Variants in LPIN2 observed in about 807,000 individuals in gnomAD.
LPIN2 encodes phosphatidate phosphatase LPIN2.
Under a neutral mutation model 111.4 loss-of-function variants are expected in LPIN2, and 55 were observed. That is an observed-to-expected ratio of 0.49 (90% confidence interval 0.40 to 0.62). The LOEUF (loss-of-function observed/expected upper bound fraction) is 0.62. Ranked by LOEUF, LPIN2 falls within the 20% of genes least tolerant of loss-of-function variation. The probability of loss-of-function intolerance (pLI) is 0.00; values close to 1 mark genes in which losing one functional copy is unlikely to be tolerated. For synonymous variants in LPIN2, 425 were observed against 414.0 expected (o/e 1.03, Z -0.32); for missense variants, 992 against 1,112.1 (o/e 0.89, Z 1.54).
chr18:2,980,886 T>C (rs191776348), intron 1 of LPIN2, among the ~76,000 whole-genome samples: 1 of 152,382 alleles, frequency 6.6e-6, no homozygotes, highest in East Asian at 1.9e-4. Flanking sequence ...TCCTGTAGTA[T>C]ATTCTGCCCT....
chr18:2,951,674 G>C (rs1049280247), intron 3 of LPIN2, among the ~76,000 whole-genome samples: 2 of 152,136 alleles, frequency 1.3e-5, no homozygotes, highest in African/African-American at 4.8e-5. Context: ...ACAAAGCAAA[G>C]ATCAAAGCAG....
At chr18:2,982,943 T>C (rs538995603) in intron 1 of LPIN2, 169 of 349,376 alleles carry the variant, frequency 4.8e-4, no homozygotes, top group South Asian at 3.5e-3. Context: ...AGTTTACCAA[T>C]GAGATTTGCT....
intron 1 of LPIN2, among the ~76,000 whole-genome samples, chr18:2,998,336 A>G (rs1357477857): frequency 6.6e-6 from 1 of 152,230 alleles, no homozygotes. Flanking sequence ...TACTTCAACA[A>G]GAGAGAAGGA....
At chr18:2,929,466 AG>A (rs929791935) in intron 9 of LPIN2, among the ~76,000 whole-genome samples, 1 of 152,126 alleles carries the variant, frequency 6.6e-6, no homozygotes, top group Non-Finnish European at 1.5e-5. Flanking sequence ...AGACAGACAC[AG>A]AAAGACAGAC....
At chr18:2,976,741 C>T (rs1451459521) in intron 1 of LPIN2, among the ~76,000 whole-genome samples, 1 of 152,110 alleles carries the variant, frequency 6.6e-6, no homozygotes, top group East Asian at 1.9e-4. Context: ...CTAGGAGTGA[C>T]ATAAAAATTC....
At chr18:3,005,453 G>A (rs2078499434) in intron 1 of LPIN2, among the ~76,000 whole-genome samples, 1 of 151,978 alleles carries the variant, frequency 6.6e-6, no homozygotes. Context: ...TGAGGTGGGA[G>A]GATCGCTTGA....
At chr18:2,977,449 T>G (rs893461387) in intron 1 of LPIN2, among the ~76,000 whole-genome samples, 2 of 152,200 alleles carry the variant, frequency 1.3e-5, no homozygotes, top group African/African-American at 4.8e-5. Context: ...ACAATGTGCA[T>G]ATCTATGGCT....
chr18:2,997,174 G>A (rs1453889162), intron 1 of LPIN2, among the ~76,000 whole-genome samples: 1 of 152,098 alleles, frequency 6.6e-6, no homozygotes, highest in East Asian at 1.9e-4. Context: ...TAGAAACGGG[G>A]TTTTGCCATG....
rs1362646053 is a variant in LPIN2 at position 2,919,185 on chromosome 18, C to G, written c.*1108G>C. ...AGGCACCCGTGTCCCCATGGGGTCT[C>G]ACAGGGCTAGGCTGGGGACACTGCT... On this transcript the variant is annotated 3_prime_UTR_variant, in exon 20 of 20. Transcript: ENST00000677752. The G allele has an allele frequency of 1.3e-5, 2 of 152,196 alleles. No homozygotes were observed. The highest frequency in any genetic ancestry group is 6.5e-5 in the Admixed American group (1 of 15,286). The allele number at this position is 152,196 out of a possible 1,614,324, so 9.4% of individuals were successfully genotyped here.
intron 1 of LPIN2, among the ~76,000 whole-genome samples, chr18:2,997,843 C>T (rs1323266331): frequency 6.6e-6 from 1 of 152,240 alleles, no homozygotes; most frequent in Non-Finnish European, 1.5e-5. Context: ...CTCAAGGATG[C>T]AGTCCCCCAG....
In LPIN2 at chr18:2,947,776, C is replaced by T. The variant is rs142657425; in HGVS notation, c.590+3279G>A. Among the ~76,000 whole-genome samples, 1,096 of 152,312 alleles carry T rather than the reference C, an allele frequency of 7.2e-3. 17 individuals carry two copies. The highest frequency in any genetic ancestry group is 0.025 in the African/African-American group (1,019 of 41,552). On this transcript the variant is annotated intron_variant, in intron 4 of 19. Transcript: ENST00000677752. ...GAAAGCTGCAAATTCCGCAACGCCA[C>T]GTAATTCCTAGTCCTCACAACTGCA...
rs2144103274 is a variant in LPIN2 at position 2,919,215 on chromosome 18, G to GA, written c.*1077_*1078insT. The GA allele has an allele frequency of 6.6e-6, 1 of 152,354 alleles. No homozygotes were observed. The highest frequency in any genetic ancestry group is 2.1e-4 in the South Asian group (1 of 4,820). 9.4% of individuals were successfully genotyped at this position (152,354 alleles called of 1,614,324 possible). On this transcript the variant is annotated 3_prime_UTR_variant, in exon 20 of 20. Coordinates refer to ENST00000677752, the MANE Select transcript of LPIN2 (RefSeq NM_001375808.2). ...GGCTAGGCTGGGGACACTGCTCGGG[G>GA]GGCAGTCTGCTCCATAGGAGCTCCA... is the stretch of plus-strand genomic sequence containing the variant.
chr18:2,965,761 T>C (rs1056184695), intron 1 of LPIN2, among the ~76,000 whole-genome samples: 2 of 131,976 alleles, frequency 1.5e-5, no homozygotes, highest in Middle Eastern at 4.2e-3. Context: ...CATCAGTAAA[T>C]AGGTTCAAAT....
chr18:2,920,372 G>A lies in LPIN2; in HGVS notation c.2612C>T (p.Ala871Val), dbSNP rs1210159824. The A allele has an allele frequency of 6.2e-7, 1 of 1,613,974 alleles. No individual in the cohort carries two copies. The highest frequency in any genetic ancestry group is 8.5e-7 in the Non-Finnish European group (1 of 1,180,036). The stretch of plus-strand genomic sequence containing the variant: ...GGAGCTGAACTCCGGGCAGGGAAAA[G>A]CGGAATTCTGCTCCTTACTGAGAAG... ...FPLLSKEQNS[A>V]FPCPEFSSFC... is the part of the protein sequence containing the mutation. Residue 871 changes from alanine to valine, a missense_variant, in exon 20 of 20, where the codon GCT becomes GTT. Ala to Val is a moderately conservative substitution (Grantham distance 64). Transcript: ENST00000677752.
intron 1 of LPIN2, among the ~76,000 whole-genome samples, chr18:2,982,038 G>A (rs914329176): frequency 6.6e-6 from 1 of 152,106 alleles, no homozygotes; most frequent in Non-Finnish European, 1.5e-5. Flanking sequence ...CTTTAATGCA[G>A]ATTTCTGGGA....
At chr18:2,982,595 C>A in intron 1 of LPIN2, 1 of 551,178 alleles carries the variant, frequency 1.8e-6, no homozygotes. Flanking sequence ...TGGATGCCAT[C>A]CCCTTGTCTC....
chr18:2,917,032 T>C lies in LPIN2; in HGVS notation c.*3261A>G. 6.6e-6 allele frequency: 1 copy of C among 152,270 alleles called. No individual in the cohort carries two copies. The highest frequency in any genetic ancestry group is 1.9e-4 in the East Asian group (1 of 5,206). 9.4% of individuals were successfully genotyped at this position (152,270 alleles called of 1,614,324 possible). A position where few individuals can be genotyped will look rare whatever the true frequency, so the allele number is the denominator to read the frequency against. ...ATGTTCGTTTATTGTTGTAACATTT[T>C]GTTTTGAACATCAAACACTGCACCA... On this transcript the variant is annotated 3_prime_UTR_variant, in exon 20 of 20. Coordinates refer to ENST00000677752, the MANE Select transcript of LPIN2 (RefSeq NM_001375808.2).
chr18:2,975,691 G>A (rs1221958886), intron 1 of LPIN2, among the ~76,000 whole-genome samples: 1 of 152,132 alleles, frequency 6.6e-6, no homozygotes, highest in Admixed American at 6.5e-5. Context: ...TAAGGGGTAT[G>A]TCCTTATCCT....
At chr18:2,955,546 T>C (rs1488718059) in intron 2 of LPIN2, among the ~76,000 whole-genome samples, 1 of 152,038 alleles carries the variant, frequency 6.6e-6, no homozygotes. Context: ...AACACTGGAG[T>C]TCACATTTCA....
Sources: allele counts gnomAD v4.1 joint callset (sites outside exome capture counted in the v4.1 genomes callset), GRCh38; gene constraint gnomAD v4.1.1; transcripts MANE v1.5; gene names NCBI Gene and HGNC (gene_info 2026-07-23, HGNC 2026-07-21).